KATNIP: variants seen among roughly 807,000 people sequenced by gnomAD.
KATNIP encodes the protein katanin interacting protein, also known as katanin-interacting protein.
A neutral mutation model predicts 174.0 loss-of-function variants in KATNIP; 126 were observed. The ratio of observed to expected loss-of-function variants is 0.72; its 90% CI spans 0.63 to 0.84. The LOEUF (loss-of-function observed/expected upper bound fraction) is 0.84, where lower values mean the gene tolerates loss of function less well. Among genes scored for constraint, KATNIP ranks in the 40% least tolerant of loss-of-function variants. The pLI is 0.00. For synonymous variants in KATNIP, 810 were observed against 835.7 expected (o/e 0.97, Z 0.53); for missense variants, 1,958 against 2,109.7 (o/e 0.93, Z 1.41).
intron 2 of KATNIP, among the ~76,000 whole-genome samples, chr16:27,576,645 C>A (rs916363144): frequency 6.6e-6 from 1 of 151,530 alleles, no homozygotes; most frequent in Admixed American, 6.6e-5. Context: ...AAAAAACAAA[C>A]AAAACAAAAC....
At chr16:27,675,376 A>T (rs1228111004) in intron 6 of KATNIP, among the ~76,000 whole-genome samples, 1 of 152,152 alleles carries the variant, frequency 6.6e-6, no homozygotes, top group Non-Finnish European at 1.5e-5. Context: ...ACACATGGGG[A>T]TTATTACAGT....
chr16:27,587,551 A>G (rs926664708), intron 2 of KATNIP, among the ~76,000 whole-genome samples: 1 of 152,368 alleles, frequency 6.6e-6, no homozygotes, highest in Non-Finnish European at 1.5e-5. Context: ...TTATGTCCCA[A>G]TAAACCCATC....
intron 2 of KATNIP, among the ~76,000 whole-genome samples, chr16:27,588,017 G>A (rs2090965803): frequency 6.6e-6 from 1 of 150,930 alleles, no homozygotes; most frequent in African/African-American, 2.4e-5. Flanking sequence ...CAGCCTCCCA[G>A]GTGGCTGGGG....
rs2081511830 is a variant in KATNIP, at chr16:27,751,431, C to T, written c.3347-288C>T. On this transcript the variant is annotated intron_variant, in intron 16 of 27. Coordinates refer to ENST00000261588, the MANE Select transcript of KATNIP (RefSeq NM_015202.5). ...ATCCACCAAGATCTGGGTGGGGTAC[C>T]AACAGCGTCTTGCATAGTGCCTTGC... Among the ~76,000 whole-genome samples, 4 of 152,106 alleles carry T rather than the reference C, an allele frequency of 2.6e-5. No individual in the cohort carries two copies. The South Asian group carries it at 8.3e-4, about 32-fold the overall frequency.
intron 6 of KATNIP, among the ~76,000 whole-genome samples, chr16:27,653,164 C>G (rs1410375452): frequency 6.6e-6 from 1 of 152,164 alleles, no homozygotes; most frequent in African/African-American, 2.4e-5. Flanking sequence ...CCAGAATATC[C>G]TGGACCTGTC....
intron 14 of KATNIP, among the ~76,000 whole-genome samples, chr16:27,732,525 G>A (rs893758873): frequency 1.3e-5 from 2 of 152,178 alleles, no homozygotes; most frequent in African/African-American, 2.4e-5. Context: ...GTGGACACTT[G>A]GCTAAGCAGT....
intron 14 of KATNIP, among the ~76,000 whole-genome samples, chr16:27,728,494 G>C (rs1256430644): frequency 6.6e-6 from 1 of 152,198 alleles, no homozygotes; most frequent in African/African-American, 2.4e-5. Flanking sequence ...GCAGTGGCCT[G>C]ATCTCAGCTC....
chr16:27,557,438 T>C (rs912886570), intron 1 of KATNIP, among the ~76,000 whole-genome samples: 1 of 150,898 alleles, frequency 6.6e-6, no homozygotes, highest in East Asian at 1.9e-4. Context: ...GGATTTTTTT[T>C]TTTTTTTTTT....
intron 2 of KATNIP, among the ~76,000 whole-genome samples, chr16:27,581,089 T>C (rs2090682738): frequency 6.6e-6 from 1 of 152,144 alleles, no homozygotes; most frequent in Non-Finnish European, 1.5e-5. Context: ...AATGTATGTG[T>C]ACAGCAAAAT....
At chr16:27,692,122 G>A (rs2078756106) in intron 8 of KATNIP, among the ~76,000 whole-genome samples, 1 of 152,200 alleles carries the variant, frequency 6.6e-6, no homozygotes, top group South Asian at 2.1e-4. Flanking sequence ...AATGGTGAAT[G>A]AGCTTGTGAA....
chr16:27,619,729 C>T (rs115010469), intron 3 of KATNIP, among the ~76,000 whole-genome samples: 1 of 152,152 alleles, frequency 6.6e-6, no homozygotes. Flanking sequence ...AGATACCTAC[C>T]TACTGAGGCA....
chr16:27,592,912 G>C (rs933416289), intron 2 of KATNIP, among the ~76,000 whole-genome samples: 3 of 152,094 alleles, frequency 2.0e-5, no homozygotes, highest in African/African-American at 7.2e-5. Context: ...TACTCAGGAC[G>C]TGGTTAAAAA....
At position 27,681,521 on chromosome 16, in the gene KATNIP, A is replaced by AT. The variant is rs1191704072; in HGVS notation, c.932dup (p.Met311IlefsTer24). 6.2e-7 allele frequency: 1 copy of AT among 1,614,030 alleles called. No individual in the cohort carries two copies. The highest frequency in any genetic ancestry group is 1.3e-5 in the African/African-American group (1 of 74,914). On this transcript the variant is annotated frameshift_variant, in exon 8 of 28. Coordinates refer to ENST00000261588, the MANE Select transcript of KATNIP (RefSeq NM_015202.5). LOFTEE classifies it high-confidence loss of function. ...TGCTGTATTCCCAGACCAGGAGAGG[A>AT]TGTGCTCCAGTAAGAGTTCCGGGGG...
chr16:27,594,660 C>T (rs1260876772), intron 2 of KATNIP, among the ~76,000 whole-genome samples: 1 of 152,164 alleles, frequency 6.6e-6, no homozygotes, highest in East Asian at 1.9e-4. Context: ...ACTGTCTTGC[C>T]TAGGCTGGTC....
chr16:27,649,999 C>T (rs1029587940), intron 6 of KATNIP, among the ~76,000 whole-genome samples: 2 of 152,024 alleles, frequency 1.3e-5, no homozygotes, highest in South Asian at 2.1e-4. Context: ...ATGTTGAAAC[C>T]CCATCTTTAC....
intron 2 of KATNIP, among the ~76,000 whole-genome samples, chr16:27,611,432 A>G (rs959830090): frequency 5.9e-5 from 9 of 152,206 alleles, no homozygotes; most frequent in Admixed American, 3.9e-4. Flanking sequence ...ATTAGGCACA[A>G]AAAGGGGTAG....
Position 27,752,220 on chromosome 16 carries a change from G to T in KATNIP, c.3552+296G>T, listed in dbSNP as rs9930236. Among the ~76,000 whole-genome samples, 1,195 of 152,236 alleles carry T rather than the reference G, an allele frequency of 7.8e-3. 16 individuals are homozygous for T. Among genetic ancestry groups the T allele is most frequent in the African/African-American group, 0.028 (1,144 of 41,532 alleles). On this transcript the variant is annotated intron_variant, in intron 17 of 27. Transcript: ENST00000261588. ...AATTCAGAGGTTGGCAGTCTGGGGG[G>T]AGTTTTTGCTTGGGGTTGCGTTTTG...
chr16:27,698,511 G>C lies in KATNIP; in HGVS notation c.1113+11G>C. 1.3e-6 allele frequency: 2 copies of C among 1,595,630 alleles called. No individual in the cohort carries two copies. The highest frequency in any genetic ancestry group is 1.7e-6 in the Non-Finnish European group (2 of 1,169,556). On this transcript the variant is annotated intron_variant, in intron 9 of 27. Coordinates refer to ENST00000261588, the MANE Select transcript of KATNIP (RefSeq NM_015202.5). ...GCCAGCCCACTGCAGGTGCGCTCCG[G>C]GCTGGGAGAGGAACCGGGGGATGCT...
At chr16:27,756,155 A>G (rs961545478) in intron 18 of KATNIP, among the ~76,000 whole-genome samples, 8 of 152,148 alleles carry the variant, frequency 5.3e-5, no homozygotes, top group Admixed American at 1.3e-4. Flanking sequence ...AGTCTTCTCT[A>G]TCATCCCCTG....
Sources: gnomAD v4.1 joint callset for allele counts (sites outside exome capture counted in the v4.1 genomes callset) on GRCh38, gnomAD v4.1.1 for gene constraint, MANE v1.5 for transcripts, NCBI Gene and HGNC (gene_info 2026-07-23, HGNC 2026-07-21) for gene names.